MAFK: variants seen among roughly 807,000 people sequenced by gnomAD.
MAFK encodes transcription factor MafK.
In MAFK, 1 loss-of-function variant was observed where a neutral mutation model predicts 9.2. That is an observed-to-expected ratio of 0.11 (90% CI 0.04 to 0.52). The LOEUF (loss-of-function observed/expected upper bound fraction) is 0.52. MAFK is among the 20% of genes least tolerant of loss of function. The pLI is 0.94. For missense variants in MAFK, 207 were observed against 236.0 expected, an observed-to-expected ratio of 0.88 and a Z score of 0.81; for synonymous variants, 110 against 107.4, an observed-to-expected ratio of 1.02 and a Z score of -0.15.
At chr7:1,533,772 C>T (rs1040454955) in intron 1 of MAFK, among the ~76,000 whole-genome samples, 2 of 148,656 alleles carry the variant, frequency 1.3e-5, no homozygotes, top group Non-Finnish European at 3.0e-5. Flanking sequence ...GGGGCAACTC[C>T]GGTGAATGAT....
intron 1 of MAFK, chr7:1,538,269 G>A (rs1429912474): frequency 3.0e-5 from 30 of 985,176 alleles, no homozygotes; most frequent in Middle Eastern, 5.2e-4. Context: ...GGGCGGCGGC[G>A]GGGACGACTC....
At chr7:1,537,297 G>C (rs532781906) in intron 1 of MAFK, 1 of 830,762 alleles carries the variant, frequency 1.2e-6, no homozygotes, top group Non-Finnish European at 1.5e-6. Flanking sequence ...GCCCAGGAGC[G>C]GGTCCTTGCT....
chr7:1,538,998 G>A (rs550222765), intron 1 of MAFK, among the ~76,000 whole-genome samples, 151 bp from the exon 2 acceptor site: 1 of 152,336 alleles, frequency 6.6e-6, no homozygotes, highest in East Asian at 1.9e-4. Context: ...CCTCAGGACG[G>A]GCTGGGCCCG....
rs1784195233 is a variant in MAFK at position 1,541,720 on chromosome 7, G to C, written c.*1345G>C. On this transcript the variant is annotated 3_prime_UTR_variant, in exon 3 of 3. Coordinates refer to ENST00000343242, the MANE Select transcript of MAFK (RefSeq NM_002360.4). ...CAGTCCTCACCCGGAGCCTTTGCCT[G>C]CTCCTCCTTCCAAGAGCACTGAGGC... The C allele has an allele frequency of 6.6e-6, 1 of 152,202 alleles. No homozygotes were observed. The highest frequency in any genetic ancestry group is 2.4e-5 in the African/African-American group (1 of 41,448). 9.4% of individuals were successfully genotyped at this position (152,202 alleles called of 1,614,324 possible).
intron 1 of MAFK, chr7:1,537,535 C>G (rs1244859212): frequency 1.9e-5 from 19 of 985,418 alleles, no homozygotes; most frequent in Non-Finnish European, 2.0e-5. Flanking sequence ...AGCCTCTCCA[C>G]TGTCACCCTC....
In MAFK at chr7:1,534,528, G is replaced by C; in HGVS notation, c.-45+3630G>C. The C allele has an allele frequency of 4.4e-6, 2 of 453,094 alleles. No homozygotes were observed. Among genetic ancestry groups the C allele is most frequent in the Non-Finnish European group, 8.9e-6 (2 of 224,482 alleles). The allele number at this position is 453,094 out of a possible 1,614,324, so 28.1% of individuals were successfully genotyped here. On this transcript the variant is annotated intron_variant, in intron 1 of 2. Transcript: ENST00000343242. The surrounding 1 kb of genome is among the most constrained non-coding windows in gnomAD (Gnocchi z 4.3). ...TGTGCTGCTGGGTTTCTGAACCCGT[G>C]TCTCTCGCACAGAGCTCCCGTCCTC...
chr7:1,532,756 T>G lies in MAFK; in HGVS notation c.-45+1858T>G, dbSNP rs898969046. 2.0e-5 allele frequency among the ~76,000 whole-genome samples: 3 copies of G among 152,214 alleles called. No individual in the cohort carries two copies. Among genetic ancestry groups the G allele is most frequent in the African/African-American group, 7.2e-5 (3 of 41,460 alleles). On this transcript the variant is annotated intron_variant, in intron 1 of 2. Transcript: ENST00000343242. The surrounding 1 kb of genome is among the most constrained non-coding windows in gnomAD (Gnocchi z 4.5). ...GTTTACAGTCTCTGGCAAAGCTGTT[T>G]GCCACCCAGACGGAGAAGAAGTTGT...
chr7:1,535,145 C>G (rs1783998678), intron 1 of MAFK, among the ~76,000 whole-genome samples: 1 of 127,164 alleles, frequency 7.9e-6, no homozygotes, highest in Non-Finnish European at 1.6e-5. Context: ...TGGCCTGAAA[C>G]TACTGGGCTC....
chr7:1,533,221 G>C (rs1040541179), intron 1 of MAFK, among the ~76,000 whole-genome samples: 12 of 152,314 alleles, frequency 7.9e-5, no homozygotes, highest in South Asian at 2.1e-4. Context: ...CTGCTTCTCC[G>C]CACTGTGCGT....
chr7:1,532,935 C>T lies in MAFK; in HGVS notation c.-45+2037C>T, dbSNP rs572818705. 2.0e-5 allele frequency among the ~76,000 whole-genome samples: 3 copies of T among 152,214 alleles called. No homozygotes were observed. The highest frequency in any genetic ancestry group is 2.1e-4 in the South Asian group (1 of 4,836). On this transcript the variant is annotated intron_variant, in intron 1 of 2. Transcript: ENST00000343242. The surrounding 1 kb of genome is among the most constrained non-coding windows in gnomAD (Gnocchi z 4.5). The stretch of plus-strand genomic sequence containing the variant: ...AACAGTAAACAGTGACTCACCGCTC[C>T]GTCCCCACCCTCCCTGCTCTCCGCG...
chr7:1,532,636 C>T lies in MAFK; in HGVS notation c.-45+1738C>T, dbSNP rs996020162. ...CGGGGCGCCAGCCTTTGTGTGCACC[C>T]GGGAGGCTGCTGTTAAGGGAGACCG... On this transcript the variant is annotated intron_variant, in intron 1 of 2. Coordinates refer to ENST00000343242, the MANE Select transcript of MAFK (RefSeq NM_002360.4). This position sits in a 1 kb window ranked among gnomAD's most constrained non-coding sequence, Gnocchi z 4.5. Among the ~76,000 whole-genome samples, 17 of 152,172 alleles carry T rather than the reference C, an allele frequency of 1.1e-4. No individual in the cohort carries two copies. The highest frequency in any genetic ancestry group is 2.1e-4 in the Non-Finnish European group (14 of 68,044).
chr7:1,540,242 C>T lies in MAFK; in HGVS notation c.338C>T (p.Ala113Val), dbSNP rs771269729. The part of the protein sequence containing the change: ...ELDALRSKYE[A>V]LQTFARTVAR... ...GACGCCCTGCGCTCCAAGTACGAGG[C>T]GCTGCAGACCTTCGCGCGCACCGTG... is the stretch of plus-strand genomic sequence containing the variant. The change falls in exon 3 of 3, where the codon GCG (alanine) becomes GTG (valine). Residue 113 changes from alanine to valine, a missense_variant. Coordinates refer to ENST00000343242, the MANE Select transcript of MAFK (RefSeq NM_002360.4). The T allele has an allele frequency of 6.8e-6, 11 of 1,605,888 alleles. No homozygotes were observed. Among genetic ancestry groups the T allele is most frequent in the East Asian group, 2.3e-5 (1 of 44,274 alleles).
chr7:1,539,899 C>T, intron 2 of MAFK, 42 bp from the exon 3 acceptor site: 1 of 1,458,836 alleles, frequency 6.9e-7, no homozygotes, highest in Admixed American at 2.3e-5. Flanking sequence ...AGGCAGACAC[C>T]CCACGTTCTC....
At chr7:1,538,274 C>T (rs1470881957) in intron 1 of MAFK, 17 of 985,182 alleles carry the variant, frequency 1.7e-5, no homozygotes, top group South Asian at 1.4e-4. Context: ...GCGGCGGGGA[C>T]GACTCCCGCC....
intron 1 of MAFK, among the ~76,000 whole-genome samples, chr7:1,535,868 C>T (rs1011531961): frequency 6.6e-6 from 1 of 152,180 alleles, no homozygotes; most frequent in African/African-American, 2.4e-5. Context: ...CAGTCTGGAT[C>T]CTGGAAAGGG....
intron 1 of MAFK, chr7:1,537,572 TGGAGCCC>T: frequency 1.0e-6 from 1 of 985,542 alleles, no homozygotes; most frequent in Non-Finnish European, 1.2e-6. Context: ...CGAAGGAGCC[TGGAGCCC>T]ACCTGGCCGT....
intron 1 of MAFK, among the ~76,000 whole-genome samples, chr7:1,535,085 C>CTTTTTTCT (rs1554285295): frequency 3.6e-5 from 4 of 111,940 alleles, no homozygotes; most frequent in Non-Finnish European, 5.1e-5. Flanking sequence ...ATTTAAAATT[C>CTTTTTTCT]TTTTTTTTTT....
chr7:1,532,062 C>T lies in MAFK; in HGVS notation c.-45+1164C>T, dbSNP rs550884216. ...GACTCAAAACGCCCCCCACCGCCCC[C>T]CATCGTGGTCTAGGGGATATCTGTG... On this transcript the variant is annotated intron_variant, in intron 1 of 2. Transcript: ENST00000343242. The surrounding 1 kb of genome is among the most constrained non-coding windows in gnomAD (Gnocchi z 4.5). Among the ~76,000 whole-genome samples the T allele has an allele frequency of 2.6e-5, 4 of 152,380 alleles. No individual in the cohort carries two copies. Among genetic ancestry groups the T allele is most frequent in the African/African-American group, 7.2e-5 (3 of 41,594 alleles).
chr7:1,540,160 C>A lies in MAFK; in HGVS notation c.256C>A (p.Leu86Met). 6.4e-7 allele frequency: 1 copy of A among 1,571,454 alleles called. No individual in the cohort carries two copies. The highest frequency in any genetic ancestry group is 8.6e-7 in the Non-Finnish European group (1 of 1,158,778). The change falls in exon 3 of 3, where the codon CTG becomes ATG. Residue 86 changes from leucine (L) to methionine (M), a missense_variant. Coordinates refer to ENST00000343242, the MANE Select transcript of MAFK (RefSeq NM_002360.4). ...GGAGCTGGAGCGGCAGCGCGTGGAG[C>A]TGCAGCAGGAGGTGGAGAAGCTGGC... ...KEELERQRVELQQEVEKLARE... is the reference protein window; with the variant it reads ...KEELERQRVEMQQEVEKLARE...
Sources: allele counts gnomAD v4.1 joint callset (sites outside exome capture counted in the v4.1 genomes callset), GRCh38; gene constraint gnomAD v4.1.1; non-coding constraint Gnocchi (gnomAD v3.1); transcripts MANE v1.5; gene names NCBI Gene and HGNC (gene_info 2026-07-23, HGNC 2026-07-21).